Variants in SLC25A20 observed in about 807,000 individuals in gnomAD.
SLC25A20 encodes solute carrier family 25 member 20, also known as mitochondrial carnitine/acylcarnitine carrier protein.
A neutral mutation model predicts 39.7 loss-of-function variants in SLC25A20; 29 were observed. That is an observed-to-expected ratio of 0.73 (90% CI 0.54 to 1.00). The LOEUF is 1.00. SLC25A20 is among the 50% of genes least tolerant of loss of function. SLC25A20 has a pLI of 0.00. For synonymous variants in SLC25A20, 103 were observed against 142.2 expected (o/e 0.72, Z 1.96); for missense variants, 333 against 379.9 (o/e 0.88, Z 1.03).
intron 1 of SLC25A20, among the ~76,000 whole-genome samples, chr3:48,896,606 G>C (rs946369464): frequency 2.6e-5 from 4 of 151,982 alleles, no homozygotes; most frequent in Non-Finnish European, 5.9e-5. Flanking sequence ...CGCCCTGTGG[G>C]TTCAAGCGAT....
intron 5 of SLC25A20, among the ~76,000 whole-genome samples, chr3:48,860,810 A>G (rs1405010656): frequency 6.7e-6 from 1 of 149,384 alleles, no homozygotes; most frequent in East Asian, 2.0e-4. Flanking sequence ...AAAAGAATAT[A>G]GTATTATTAT....
rs1035172067 is a variant in SLC25A20, at chr3:48,877,527, G to A, written c.417+1831C>T. 6.6e-5 allele frequency among the ~76,000 whole-genome samples: 10 copies of A among 151,918 alleles called. 1 individual carries two copies. Among genetic ancestry groups the A allele is most frequent in the African/African-American group, 1.9e-4 (8 of 41,384 alleles). On this transcript the variant is annotated intron_variant, in intron 4 of 8. Coordinates refer to ENST00000319017, the MANE Select transcript of SLC25A20 (RefSeq NM_000387.6). ...GGGTGGGTCACAAGGTCAGGAGATC[G>A]AAACCATCCTGGCCAACATGGTGAA...
chr3:48,890,146 G>A (rs1046924104), intron 2 of SLC25A20, among the ~76,000 whole-genome samples: 2 of 152,246 alleles, frequency 1.3e-5, no homozygotes, highest in East Asian at 1.9e-4. Flanking sequence ...TCCCTGTGAC[G>A]CTGTGCTTCA....
chr3:48,883,158 G>A (rs1039373010), intron 3 of SLC25A20, among the ~76,000 whole-genome samples: 1 of 151,938 alleles, frequency 6.6e-6, no homozygotes, highest in Non-Finnish European at 1.5e-5. Context: ...TTGCGCCACT[G>A]CACTCCAGCC....
intron 2 of SLC25A20, among the ~76,000 whole-genome samples, chr3:48,891,235 C>T (rs1365180866): frequency 6.6e-6 from 1 of 152,120 alleles, no homozygotes; most frequent in African/African-American, 2.4e-5. Flanking sequence ...CCACCGTGCA[C>T]AGCCAATTTT....
At chr3:48,876,783 C>T (rs1021867434) in intron 4 of SLC25A20, among the ~76,000 whole-genome samples, 1 of 151,848 alleles carries the variant, frequency 6.6e-6, no homozygotes, top group Non-Finnish European at 1.5e-5. Context: ...TCTAAGGGCT[C>T]TGAGATTCTG....
At chr3:48,884,766 C>A (rs561350740) in intron 2 of SLC25A20, among the ~76,000 whole-genome samples, 1 of 151,770 alleles carries the variant, frequency 6.6e-6, no homozygotes, top group South Asian at 2.1e-4. Flanking sequence ...TAACCTCAGG[C>A]ACTTATAAGG....
intron 2 of SLC25A20, among the ~76,000 whole-genome samples, chr3:48,889,871 G>A (rs1346742925): frequency 6.6e-6 from 1 of 152,196 alleles, no homozygotes; most frequent in African/African-American, 2.4e-5. Flanking sequence ...TAACCGGCAG[G>A]TATAGGGTCC....
At chr3:48,896,435 A>G (rs1355800131) in intron 1 of SLC25A20, among the ~76,000 whole-genome samples, 2 of 152,022 alleles carry the variant, frequency 1.3e-5, no homozygotes, top group Non-Finnish European at 2.9e-5. Flanking sequence ...TCTCAACAGG[A>G]TATCAGCCAT....
intron 5 of SLC25A20, 105 bp from the exon 6 acceptor site, chr3:48,859,732 T>C: frequency 1.1e-6 from 1 of 926,972 alleles, no homozygotes; most frequent in African/African-American, 1.6e-5. Flanking sequence ...GGCAGGGGGA[T>C]TGCTTGAGGC....
intron 2 of SLC25A20, among the ~76,000 whole-genome samples, chr3:48,891,673 A>C (rs532294774): frequency 6.6e-6 from 1 of 152,294 alleles, no homozygotes; most frequent in East Asian, 1.9e-4. Flanking sequence ...CACCCAGCTC[A>C]GATGTACATT....
intron 4 of SLC25A20, among the ~76,000 whole-genome samples, chr3:48,870,814 AT>A (rs71077745): frequency 0.61 from 67,505 of 109,838 alleles, 20,135 homozygotes; most frequent in East Asian, 0.92. Context: ...CAGGAATCAG[AT>A]TTTTTTTTTT....
At chr3:48,873,246 G>A (rs1426656209) in intron 4 of SLC25A20, among the ~76,000 whole-genome samples, 3 of 151,566 alleles carry the variant, frequency 2.0e-5, no homozygotes, top group Admixed American at 1.3e-4. Context: ...TATGCCAGGC[G>A]TGGTGGCTCA....
intron 4 of SLC25A20, among the ~76,000 whole-genome samples, chr3:48,873,213 G>A (rs1205236247): frequency 6.6e-6 from 1 of 152,136 alleles, no homozygotes; most frequent in African/African-American, 2.4e-5. Flanking sequence ...AACAGAGCAA[G>A]ACTCCGTCTC....
chr3:48,857,613 T>C lies in SLC25A20; in HGVS notation c.*97A>G, dbSNP rs1407477395. On this transcript the variant is annotated 3_prime_UTR_variant, in exon 9 of 9. Coordinates refer to ENST00000319017, the MANE Select transcript of SLC25A20 (RefSeq NM_000387.6). ...CAGGGCTCGGATCTCACCATTCCCC[T>C]CCCCTTGCCCTCCAAGACTGCTTAG... 1 of 1,117,742 alleles carries C rather than the reference T, an allele frequency of 8.9e-7. No homozygotes were observed. The highest frequency in any genetic ancestry group is 1.3e-6 in the Non-Finnish European group (1 of 743,944). The allele number at this position is 1,117,742 out of a possible 1,614,324, so 69.2% of individuals were successfully genotyped here.
At chr3:48,886,935 T>G (rs375335231) in intron 2 of SLC25A20, among the ~76,000 whole-genome samples, 1 of 152,216 alleles carries the variant, frequency 6.6e-6, no homozygotes, top group Admixed American at 6.5e-5. Context: ...CTGAAGAACC[T>G]GCCTCACTGC....
chr3:48,896,140 C>CA (rs1220224923), intron 1 of SLC25A20, among the ~76,000 whole-genome samples: 1,253 of 69,620 alleles, frequency 0.018, 12 homozygotes, highest in African/African-American at 0.039. Flanking sequence ...AGTCTTGTCT[C>CA]AAAAAAAAAA....
At position 48,894,247 on chromosome 3, in the gene SLC25A20, G is replaced by GCCGAT. The variant is rs2083897796; in HGVS notation, c.106-2180_106-2176dup. Among the ~76,000 whole-genome samples, 3 of 141,178 alleles carry GCCGAT rather than the reference G, an allele frequency of 2.1e-5. No homozygotes were observed. The South Asian group carries it at 6.7e-4, about 32-fold the overall frequency. The allele number at this position is 141,178 out of a possible 152,430, so 92.6% of individuals were successfully genotyped here. On this transcript the variant is annotated intron_variant, in intron 1 of 8. Coordinates refer to ENST00000319017, the MANE Select transcript of SLC25A20 (RefSeq NM_000387.6). ...CAGGGTCTTACAGGCTGGAGTCTTT[G>GCCGAT]CCGATTTTTAATTGGATTGTCTTTT... is the stretch of plus-strand genomic sequence containing the variant.
At chr3:48,889,450 G>A (rs191907738) in intron 2 of SLC25A20, among the ~76,000 whole-genome samples, 7 of 152,214 alleles carry the variant, frequency 4.6e-5, no homozygotes, top group Admixed American at 3.3e-4. Context: ...CTGTCTAGGG[G>A]AACTGGAGAC....
Sources: gnomAD v4.1 joint callset for allele counts (sites outside exome capture counted in the v4.1 genomes callset) on GRCh38, gnomAD v4.1.1 for gene constraint, MANE v1.5 for transcripts, NCBI Gene and HGNC (gene_info 2026-07-23, HGNC 2026-07-21) for gene names.